USP15: variants seen among roughly 807,000 people sequenced by gnomAD.
USP15 encodes ubiquitin carboxyl-terminal hydrolase 15.
Under a neutral mutation model 127.1 loss-of-function variants are expected in USP15, and 18 were observed. The observed-to-expected ratio is 0.14, with a 90% CI of 0.10 to 0.21. The LOEUF is 0.21. USP15 is among the 10% of genes least tolerant of loss of function. The pLI, the probability that USP15 is intolerant of heterozygous loss-of-function variation, is 1.00. For missense variants in USP15, 805 were observed against 1,159.9 expected, an observed-to-expected ratio of 0.69 and a Z score of 4.44; for synonymous variants, 364 against 393.7, an observed-to-expected ratio of 0.92 and a Z score of 0.89.
chr12:62,290,178 T>C (rs2137134294), intron 1 of USP15, among the ~76,000 whole-genome samples: 1 of 152,304 alleles, frequency 6.6e-6, no homozygotes, highest in Middle Eastern at 3.4e-3. Flanking sequence ...TGGTTTTGTG[T>C]CCTGATGATC....
At chr12:62,285,058 C>T (rs1379029502) in intron 1 of USP15, among the ~76,000 whole-genome samples, 3 of 152,040 alleles carry the variant, frequency 2.0e-5, no homozygotes, top group Non-Finnish European at 4.4e-5. Flanking sequence ...TTATTAACTT[C>T]TGTTGGTAAA....
At chr12:62,351,536 C>T (rs968635740) in intron 7 of USP15, among the ~76,000 whole-genome samples, 1 of 151,894 alleles carries the variant, frequency 6.6e-6, no homozygotes, top group African/African-American at 2.4e-5. Context: ...ACCAGAATTA[C>T]CATATTGGTA....
At chr12:62,263,237 A>G (rs1196656190) in intron 1 of USP15, among the ~76,000 whole-genome samples, 7 of 152,034 alleles carry the variant, frequency 4.6e-5, no homozygotes, top group Non-Finnish European at 8.8e-5. Context: ...CCTGTGGAAT[A>G]TTGTCGTGGC....
chr12:62,378,450 G>A (rs576025565), intron 8 of USP15, among the ~76,000 whole-genome samples: 15 of 152,160 alleles, frequency 9.9e-5, no homozygotes, highest in African/African-American at 3.4e-4. Context: ...GTTTATTTGG[G>A]CCCATTTAGG....
At position 62,391,861 on chromosome 12, in the gene USP15, G is replaced by T; in HGVS notation, c.2279G>T (p.Arg760Ile). 6.2e-7 allele frequency: 1 copy of T among 1,609,842 alleles called. No individual in the cohort carries two copies. The highest frequency in any genetic ancestry group is 8.5e-7 in the Non-Finnish European group (1 of 1,177,832). Residue 760 changes from arginine to isoleucine, a missense_variant, in exon 17 of 22, where the codon AGA (arginine) becomes ATA (isoleucine). Coordinates refer to ENST00000280377, the MANE Select transcript of USP15 (RefSeq NM_001252078.2). ...ALDWDPDLKK[R>I]YFDENAAEDF... ...GATTGGGATCCTGATTTGAAAAAAA[G>T]ATATTTTGATGAAAATGCTGCTGAG...
chr12:62,400,824 T>C (rs577626649), intron 20 of USP15, among the ~76,000 whole-genome samples: 48 of 152,178 alleles, frequency 3.2e-4, no homozygotes, highest in African/African-American at 1.1e-3. Flanking sequence ...GGGAGAATAA[T>C]AATGATAATA....
chr12:62,304,960 G>C (rs1565837246), intron 3 of USP15: 1 of 213,088 alleles, frequency 4.7e-6, no homozygotes, highest in Non-Finnish European at 9.7e-6. Context: ...AGACCAAACA[G>C]AACTGAAGAG....
chr12:62,295,936 A>T (rs909717742), intron 2 of USP15, among the ~76,000 whole-genome samples: 1 of 152,242 alleles, frequency 6.6e-6, no homozygotes, highest in African/African-American at 2.4e-5. Flanking sequence ...GTTATGTGGC[A>T]AAAAGAGACT....
chr12:62,352,890 T>C (rs1427528062), intron 7 of USP15, among the ~76,000 whole-genome samples: 1 of 151,956 alleles, frequency 6.6e-6, no homozygotes. Flanking sequence ...ACAGAATTAA[T>C]CTAATATAAT....
rs117981147 is a variant in USP15, at chr12:62,270,552, G to A, written c.89+10049G>A. The stretch of plus-strand genomic sequence containing the variant: ...TAATTTTTTGTGTATATGGTCAGGG[G>A]AGGAGTTCAATTTCATTCTTTTGCA... On this transcript the variant is annotated intron_variant, in intron 1 of 21. Transcript: ENST00000280377. Among the ~76,000 whole-genome samples the A allele has an allele frequency of 3.0e-3, 452 of 152,146 alleles. 1 individual carries two copies. Among genetic ancestry groups the A allele is most frequent in the Middle Eastern group, 0.014 (4 of 294 alleles).
chr12:62,394,763 C>T (rs1295818146), intron 19 of USP15, among the ~76,000 whole-genome samples: 1 of 151,702 alleles, frequency 6.6e-6, no homozygotes, highest in Admixed American at 6.6e-5. Flanking sequence ...GCAGGGGAAT[C>T]GCTTGAACCC....
chr12:62,264,650 T>C (rs1361021808), intron 1 of USP15, among the ~76,000 whole-genome samples: 1 of 152,252 alleles, frequency 6.6e-6, no homozygotes, highest in East Asian at 1.9e-4. Flanking sequence ...TAGAGCTTTC[T>C]GTCCATTCCG....
chr12:62,381,424 TTAA>T, intron 8 of USP15, 63 bp from the exon 9 acceptor site: 2 of 1,356,928 alleles, frequency 1.5e-6, no homozygotes, highest in Non-Finnish European at 9.9e-7. Flanking sequence ...TCTCTTCATA[TTAA>T]TGTGTTTTAA....
Position 62,360,601 on chromosome 12 carries a change from T to A in USP15, c.915+5126T>A, listed in dbSNP as rs569597390. Among the ~76,000 whole-genome samples the A allele has an allele frequency of 2.0e-5, 3 of 152,206 alleles. No homozygotes were observed. In the South Asian group the frequency reaches 6.2e-4, roughly 32 times the overall value. ...TTTTTGCATTTATTGGAACTCAGTT[T>A]CTTAGAAGTCCAGTTTAACACTAAA... On this transcript the variant is annotated intron_variant, in intron 8 of 21. Transcript: ENST00000280377.
intron 6 of USP15, among the ~76,000 whole-genome samples, chr12:62,332,650 T>C (rs998275261): frequency 3.9e-5 from 6 of 152,292 alleles, no homozygotes; most frequent in Admixed American, 3.9e-4. Flanking sequence ...TCATTGATGA[T>C]TTTGAAGAGG....
At position 62,389,670 on chromosome 12, in the gene USP15, T is replaced by C; in HGVS notation, c.1623T>C (p.Ser541=). 1 of 1,613,362 alleles carries C rather than the reference T, an allele frequency of 6.2e-7. No individual in the cohort carries two copies. The highest frequency in any genetic ancestry group is 8.5e-7 in the Non-Finnish European group (1 of 1,179,544). Residue 541 remains serine, a synonymous_variant, in exon 13 of 22, where the codon AGT becomes AGC. Coordinates refer to ENST00000280377, the MANE Select transcript of USP15 (RefSeq NM_001252078.2). ...HRIFAMDENL[S]SIMERDDIYV... ...TATTCGCTATGGATGAAAACCTTAG[T>C]AGTATTATGGAACGGGATGATATTT... is the stretch of plus-strand genomic sequence containing the variant.
At chr12:62,312,262 CT>C in intron 3 of USP15, 1 of 336,342 alleles carries the variant, frequency 3.0e-6, no homozygotes, top group Non-Finnish European at 6.1e-6. Flanking sequence ...TTAGAAATTA[CT>C]TATATTTCTC....
rs2064084628 is a variant in USP15, at chr12:62,294,966, T to A, written c.217+660T>A. ...AGCCCTCCAACTGCCTTCAGTTTAC[T>A]GCATTAAAAGAGATTTCCAAGACAC... On this transcript the variant is annotated intron_variant, in intron 2 of 21. Transcript: ENST00000280377. 7.2e-5 allele frequency among the ~76,000 whole-genome samples: 11 copies of A among 152,194 alleles called. No individual in the cohort carries two copies. The South Asian group carries it at 2.3e-3, about 32-fold the overall frequency.
intron 3 of USP15, among the ~76,000 whole-genome samples, chr12:62,307,141 G>T (rs1303857353): frequency 6.6e-6 from 1 of 152,152 alleles, no homozygotes; most frequent in Non-Finnish European, 1.5e-5. Flanking sequence ...CATTGTTTTC[G>T]AATTACCTCG....
Sources: gnomAD v4.1 joint callset for allele counts (sites outside exome capture counted in the v4.1 genomes callset) on GRCh38, gnomAD v4.1.1 for gene constraint, MANE v1.5 for transcripts, NCBI Gene and HGNC (gene_info 2026-07-23, HGNC 2026-07-21) for gene names.